Variants in MBTD1 observed in about 807,000 individuals in gnomAD.
MBTD1 encodes the protein MBT domain-containing protein 1.
Under a neutral mutation model 87.8 loss-of-function variants are expected in MBTD1, and 24 were observed. That is an observed-to-expected ratio of 0.27 (90% CI 0.20 to 0.38). The LOEUF (loss-of-function observed/expected upper bound fraction) is 0.38. Ranked by LOEUF, MBTD1 falls within the 10% of genes least tolerant of loss-of-function variation. The pLI, the probability that MBTD1 is intolerant of heterozygous loss-of-function variation, is 1.00. For missense variants in MBTD1, 436 were observed against 760.2 expected (o/e 0.57, Z 5.02); for synonymous variants, 237 against 248.6 (o/e 0.95, Z 0.44).
intron 1 of MBTD1, 147 bp downstream of exon 1, chr17:51,259,688 G>A (rs867882995): frequency 2.8e-5 from 19 of 684,728 alleles, no homozygotes; most frequent in Middle Eastern, 4.6e-4. Context: ...GCTGGAAGGG[G>A]GAGGGGGGCT....
At chr17:51,209,264 G>A in intron 6 of MBTD1, 1 of 427,198 alleles carries the variant, frequency 2.3e-6, no homozygotes, top group Non-Finnish European at 4.9e-6. Context: ...GTCTGGATTG[G>A]CATAGCATGA....
intron 6 of MBTD1, among the ~76,000 whole-genome samples, chr17:51,213,468 T>C (rs180899096): frequency 1.6e-3 from 247 of 152,228 alleles, no homozygotes; most frequent in African/African-American, 5.4e-3. Context: ...CATATAATAC[T>C]GTATTACTAT....
In MBTD1 at chr17:51,238,143, G is replaced by A. The variant is rs149671214; in HGVS notation, c.-48-12934C>T. The stretch of plus-strand genomic sequence containing the variant: ...ATAAAGGAGCATGAGGAAACTTTTA[G>A]AGATGAGGATTATACTACCTAGATT... On this transcript the variant is annotated intron_variant, in intron 2 of 16. Transcript: ENST00000586178. Among the ~76,000 whole-genome samples, 292 of 152,264 alleles carry A rather than the reference G, an allele frequency of 1.9e-3. 2 individuals are homozygous for A. The highest frequency in any genetic ancestry group is 6.9e-3 in the African/African-American group (286 of 41,542).
chr17:51,235,448 ATTG>A (rs1157100331), intron 2 of MBTD1, among the ~76,000 whole-genome samples: 1 of 152,206 alleles, frequency 6.6e-6, no homozygotes, highest in African/African-American at 2.4e-5. Context: ...AGATGAAAAT[ATTG>A]TTAACAAAAT....
At chr17:51,191,428 ATTT>A (rs1243919175) in intron 16 of MBTD1, among the ~76,000 whole-genome samples, 2 of 151,412 alleles carry the variant, frequency 1.3e-5, no homozygotes, top group African/African-American at 4.9e-5. Flanking sequence ...CACCCGGCTA[ATTT>A]TTTAGTATAG....
In MBTD1 at chr17:51,203,126, A is replaced by T; in HGVS notation, c.828+14T>A. On this transcript the variant is annotated intron_variant, in intron 9 of 16. Coordinates refer to ENST00000586178, the MANE Select transcript of MBTD1 (RefSeq NM_017643.3). ...TTTAGAGCTCTTCAGTCTTTATAAGATCCTGTTTTTTACCTTTTGGGAGAA... is the reference window on the plus strand; with the variant it reads ...TTTAGAGCTCTTCAGTCTTTATAAGTTCCTGTTTTTTACCTTTTGGGAGAA... The T allele has an allele frequency of 1.3e-6, 2 of 1,587,518 alleles. No individual in the cohort carries two copies. The highest frequency in any genetic ancestry group is 1.7e-6 in the Non-Finnish European group (2 of 1,165,796).
intron 2 of MBTD1, among the ~76,000 whole-genome samples, chr17:51,238,400 A>C (rs2053972675): frequency 6.6e-6 from 1 of 152,226 alleles, no homozygotes; most frequent in Non-Finnish European, 1.5e-5. Context: ...ATAACATCAA[A>C]GTAACCAAGA....
intron 2 of MBTD1, among the ~76,000 whole-genome samples, chr17:51,232,789 G>T (rs1370695330): frequency 1.3e-5 from 2 of 152,016 alleles, no homozygotes; most frequent in African/African-American, 2.4e-5. Flanking sequence ...TATAATCCCA[G>T]AACTGTGGGA....
chr17:51,187,195 G>C (rs2050576665), intron 16 of MBTD1, among the ~76,000 whole-genome samples: 2 of 152,144 alleles, frequency 1.3e-5, no homozygotes, highest in South Asian at 4.1e-4. Context: ...TGCCAAGGCA[G>C]AAGAATGAGG....
At chr17:51,222,918 A>G (rs1313825081) in intron 3 of MBTD1, among the ~76,000 whole-genome samples, 2 of 151,690 alleles carry the variant, frequency 1.3e-5, no homozygotes, top group African/African-American at 4.8e-5. Flanking sequence ...CTCCTGCCTC[A>G]GCCTCCTGAA....
At chr17:51,253,923 A>G (rs1444736857) in intron 2 of MBTD1, among the ~76,000 whole-genome samples, 1 of 152,184 alleles carries the variant, frequency 6.6e-6, no homozygotes. Flanking sequence ...AACACTTGAA[A>G]TCTTAAATGC....
chr17:51,242,258 TTCACACTTAAATCCCCAA>T (rs2054200671), intron 2 of MBTD1, among the ~76,000 whole-genome samples: 4 of 152,196 alleles, frequency 2.6e-5, no homozygotes, highest in Non-Finnish European at 5.9e-5. Flanking sequence ...AAATTATGAG[TTCACACTTAAATCCCCAA>T]CTCCAAGCCA....
At chr17:51,189,100 C>T (rs1426888979) in intron 16 of MBTD1, among the ~76,000 whole-genome samples, 2 of 152,122 alleles carry the variant, frequency 1.3e-5, no homozygotes, top group Admixed American at 1.3e-4. Flanking sequence ...CAAAGCCGTA[C>T]CTCACTTGGT....
chr17:51,200,455 C>A (rs2051395988), intron 12 of MBTD1, among the ~76,000 whole-genome samples: 1 of 149,910 alleles, frequency 6.7e-6, no homozygotes, highest in Non-Finnish European at 1.5e-5. Context: ...GCAGTACCAG[C>A]TGCTCAGGAA....
intron 7 of MBTD1, among the ~76,000 whole-genome samples, chr17:51,206,670 A>G (rs1441279162): frequency 6.6e-6 from 1 of 152,218 alleles, no homozygotes; most frequent in Non-Finnish European, 1.5e-5. Flanking sequence ...CTTTCATGCT[A>G]TAATGATAGA....
chr17:51,238,812 G>C (rs2053997082), intron 2 of MBTD1, among the ~76,000 whole-genome samples: 1 of 152,120 alleles, frequency 6.6e-6, no homozygotes, highest in East Asian at 1.9e-4. Context: ...AAAAGTCAAT[G>C]AAGTGGGCCG....
At chr17:51,256,021 T>C (rs573295989) in intron 2 of MBTD1, among the ~76,000 whole-genome samples, 2 of 152,248 alleles carry the variant, frequency 1.3e-5, no homozygotes, top group African/African-American at 2.4e-5. Flanking sequence ...GGCCAAATAA[T>C]TGGGCCACAA....
chr17:51,250,165 A>G (rs2054693599), intron 2 of MBTD1: 1 of 150,950 alleles, frequency 6.6e-6, no homozygotes, highest in Non-Finnish European at 1.5e-5. Flanking sequence ...TAAGCCTCCC[A>G]AAGTGCTGGG....
upstream of MBTD1, chr17:51,260,502 C>T: frequency 5.6e-6 from 8 of 1,428,610 alleles, no homozygotes; most frequent in South Asian, 1.4e-5. Flanking sequence ...CCCGGGGCTT[C>T]GGCGGCGGCG....
Sources: gnomAD v4.1 joint callset for allele counts (sites outside exome capture counted in the v4.1 genomes callset) on GRCh38, gnomAD v4.1.1 for gene constraint, MANE v1.5 for transcripts, NCBI Gene and HGNC (gene_info 2026-07-23, HGNC 2026-07-21) for gene names.